IGFBP7: variants seen among roughly 807,000 people sequenced by gnomAD.
IGFBP7 encodes the protein insulin-like growth factor-binding protein 7.
Under a neutral mutation model 29.4 loss-of-function variants are expected in IGFBP7, and 31 were observed. The ratio of observed to expected loss-of-function variants is 1.05; its 90% CI spans 0.79 to 1.42. IGFBP7 has a LOEUF of 1.42. Among genes scored for constraint, IGFBP7 ranks in the 40% most tolerant of loss-of-function variants. IGFBP7 has a pLI of 0.00. For synonymous variants in IGFBP7, 172 were observed against 174.9 expected, an observed-to-expected ratio of 0.98 and a Z score of 0.13; for missense variants, 393 against 395.5, an observed-to-expected ratio of 0.99 and a Z score of 0.05.
intron 1 of IGFBP7, among the ~76,000 whole-genome samples, chr4:57,051,766 T>A (rs34060938): frequency 6.6e-6 from 1 of 152,102 alleles, no homozygotes; most frequent in Admixed American, 6.5e-5. Flanking sequence ...TGAAATGGAA[T>A]GATAGTATCC....
chr4:57,043,100 A>G (rs1487181272), intron 1 of IGFBP7, among the ~76,000 whole-genome samples: 3 of 152,132 alleles, frequency 2.0e-5, no homozygotes, highest in African/African-American at 2.4e-5. Context: ...TGTGAACACC[A>G]ACTTTTTAGT....
chr4:57,064,449 A>C (rs1724872208), intron 1 of IGFBP7, among the ~76,000 whole-genome samples: 1 of 152,270 alleles, frequency 6.6e-6, no homozygotes, highest in Non-Finnish European at 1.5e-5. Flanking sequence ...CCAGCAAAGC[A>C]TAAGCCTCAG....
chr4:57,084,199 C>T (rs1302476587), intron 1 of IGFBP7, among the ~76,000 whole-genome samples: 2 of 152,118 alleles, frequency 1.3e-5, no homozygotes, highest in Non-Finnish European at 2.9e-5. Context: ...TCTCAATTAT[C>T]AATGAATGCA....
intron 1 of IGFBP7, among the ~76,000 whole-genome samples, chr4:57,088,737 G>T (rs1298946409): frequency 6.6e-6 from 1 of 152,010 alleles, no homozygotes; most frequent in African/African-American, 2.4e-5. Flanking sequence ...GTTAAGAGGA[G>T]CAACTTGCTG....
intron 1 of IGFBP7, among the ~76,000 whole-genome samples, chr4:57,106,244 G>A (rs1328129408): frequency 6.6e-6 from 1 of 152,088 alleles, no homozygotes; most frequent in African/African-American, 2.4e-5. Flanking sequence ...TTTCTTTCAT[G>A]TCAGACAGGT....
chr4:57,068,572 C>A (rs1203461202), intron 1 of IGFBP7, among the ~76,000 whole-genome samples: 2 of 151,760 alleles, frequency 1.3e-5, no homozygotes, highest in African/African-American at 2.4e-5. Context: ...TGGTTGGAGT[C>A]AAAAATGAAG....
intron 1 of IGFBP7, among the ~76,000 whole-genome samples, chr4:57,098,162 C>G (rs753139186): frequency 6.6e-5 from 10 of 152,196 alleles, no homozygotes; most frequent in East Asian, 1.9e-4. Flanking sequence ...CTTATTCGCT[C>G]TCTCTTGGGA....
chr4:57,040,892 TGA>T lies in IGFBP7; in HGVS notation c.515_516del (p.Val172AspfsTer10). 1 of 1,614,106 alleles carries T rather than the reference TGA, an allele frequency of 6.2e-7. No individual in the cohort carries two copies. Among genetic ancestry groups the T allele is most frequent in the East Asian group, 2.2e-5 (1 of 44,878 alleles). On this transcript the variant is annotated frameshift_variant, in exon 2 of 5. Coordinates refer to ENST00000295666, the MANE Select transcript of IGFBP7 (RefSeq NM_001553.3). LOFTEE classifies it high-confidence loss of function. ...IVTPPKDIWN[V>X]TGAQVYLSCE... is the part of the protein sequence containing the mutation. ...CAGCTCAAGTACACCTGGGCACCAG[TGA>T]CATTCCAGATGTCCTTGGGGGGCGT... is the stretch of plus-strand genomic sequence containing the variant.
At chr4:57,071,287 A>G (rs1725047335) in intron 1 of IGFBP7, among the ~76,000 whole-genome samples, 1 of 152,220 alleles carries the variant, frequency 6.6e-6, no homozygotes, top group South Asian at 2.1e-4. Flanking sequence ...TCAACCATTC[A>G]ATTCCATGCT....
At chr4:57,072,385 G>A (rs1578632893) in intron 1 of IGFBP7, among the ~76,000 whole-genome samples, 2 of 152,224 alleles carry the variant, frequency 1.3e-5, no homozygotes, top group South Asian at 2.1e-4. Flanking sequence ...AAAATTAGCT[G>A]AGTGTGTTTG....
intron 1 of IGFBP7, among the ~76,000 whole-genome samples, chr4:57,075,042 C>A (rs374310477): frequency 6.6e-6 from 1 of 152,164 alleles, no homozygotes; most frequent in East Asian, 1.9e-4. Context: ...TAAAAATAAG[C>A]AATCCTATTA....
chr4:57,046,367 G>C (rs1009904141), intron 1 of IGFBP7, among the ~76,000 whole-genome samples: 2 of 152,054 alleles, frequency 1.3e-5, no homozygotes, highest in African/African-American at 4.8e-5. Flanking sequence ...CAATGACTCT[G>C]TACCAAATAA....
chr4:57,094,489 C>T (rs371264220), intron 1 of IGFBP7, among the ~76,000 whole-genome samples: 1 of 152,168 alleles, frequency 6.6e-6, no homozygotes, highest in Non-Finnish European at 1.5e-5. Flanking sequence ...TCCCACAAAA[C>T]CTTCCTGCCA....
At chr4:57,034,793 C>G (rs1390659583) in intron 2 of IGFBP7, among the ~76,000 whole-genome samples, 1 of 152,120 alleles carries the variant, frequency 6.6e-6, no homozygotes, top group Non-Finnish European at 1.5e-5. Context: ...ATTTGGAAAG[C>G]CTGGCTTTTT....
intron 1 of IGFBP7, among the ~76,000 whole-genome samples, chr4:57,102,874 A>G (rs1167000156): frequency 1.3e-5 from 2 of 152,158 alleles, no homozygotes; most frequent in Non-Finnish European, 2.9e-5. Flanking sequence ...ACTGGAGCAG[A>G]CTCTTAGGGA....
In IGFBP7 at chr4:57,038,304, A is replaced by C. The variant is rs11573123; in HGVS notation, c.585+2520T>G. 4.2e-3 allele frequency among the ~76,000 whole-genome samples: 636 copies of C among 152,368 alleles called. 5 individuals carry two copies. The highest frequency in any genetic ancestry group is 0.026 in the South Asian group (126 of 4,828). ...CTCTGGGGTCTTTAAGCTGTAATAAAAATGTGAGTGGAGTTGATATCTCCC... is the reference window on the plus strand; with the variant it reads ...CTCTGGGGTCTTTAAGCTGTAATAACAATGTGAGTGGAGTTGATATCTCCC... On this transcript the variant is annotated intron_variant, in intron 2 of 4. Transcript: ENST00000295666.
At position 57,110,327 on chromosome 4, in the gene IGFBP7, G is replaced by A; in HGVS notation, c.25C>T (p.Leu9=). The A allele has an allele frequency of 7.2e-7, 1 of 1,395,524 alleles. No homozygotes were observed. The highest frequency in any genetic ancestry group is 9.3e-7 in the Non-Finnish European group (1 of 1,072,470). The allele number at this position is 1,395,524 out of a possible 1,614,324, so 86.4% of individuals were successfully genotyped here. Residue 9 remains leucine (L), a synonymous_variant, in exon 1 of 5, where the codon CTG becomes TTG. Coordinates refer to ENST00000295666, the MANE Select transcript of IGFBP7 (RefSeq NM_001553.3). MERPSLRA[L]LLGAAGLLLL... is the part of the protein sequence containing the mutation. Reference sequence around the variant, plus strand: ...AGCAGCCCAGCGGCGCCGAGGAGCAGGGCGCGCAGCGACGGCCGCTCCATG... The same window carrying A: ...AGCAGCCCAGCGGCGCCGAGGAGCAAGGCGCGCAGCGACGGCCGCTCCATG...
At chr4:57,096,027 AGCACTGG>A (rs1461884730) in intron 1 of IGFBP7, among the ~76,000 whole-genome samples, 1 of 152,114 alleles carries the variant, frequency 6.6e-6, no homozygotes, top group East Asian at 1.9e-4. Flanking sequence ...ATAGATAAAA[AGCACTGG>A]GCTAATGGAG....
chr4:57,053,933 T>C (rs1724576987), intron 1 of IGFBP7, among the ~76,000 whole-genome samples: 1 of 152,198 alleles, frequency 6.6e-6, no homozygotes, highest in South Asian at 2.1e-4. Context: ...CATAGGAAAC[T>C]TATTGCTAAC....
Sources: allele counts gnomAD v4.1 joint callset (sites outside exome capture counted in the v4.1 genomes callset), GRCh38; gene constraint gnomAD v4.1.1; transcripts MANE v1.5; gene names NCBI Gene and HGNC (gene_info 2026-07-23, HGNC 2026-07-21).